USP26: variants seen among roughly 807,000 people sequenced by gnomAD.
USP26 encodes the protein ubiquitin carboxyl-terminal hydrolase 26.
For missense variants in USP26, 649 were observed against 642.3 expected (o/e 1.01, Z -0.11); for synonymous variants, 236 against 240.6 (o/e 0.98, Z 0.18).
intron 5 of USP26, among the ~76,000 whole-genome samples, chrX:133,073,200 C>T (rs2067535851): frequency 9.1e-6 from 1 of 110,103 alleles, no homozygotes; most frequent in Admixed American, 9.8e-5. Context: ...ACTCTCATTA[C>T]TCATTTCAAT....
intron 5 of USP26, among the ~76,000 whole-genome samples, chrX:133,046,395 A>G (rs1263078578): frequency 8.9e-6 from 1 of 112,238 alleles, no homozygotes; most frequent in African/African-American, 3.2e-5. Context: ...GCTTAAAAAT[A>G]CCAATTTGTC....
chrX:133,045,519 G>A (rs752095568), intron 5 of USP26, among the ~76,000 whole-genome samples: 1 of 111,635 alleles, frequency 9.0e-6, no homozygotes, highest in Non-Finnish European at 1.9e-5. Context: ...TCACTCTTTG[G>A]GTCCACACTG....
intron 5 of USP26, among the ~76,000 whole-genome samples, chrX:133,037,807 G>A (rs952597320): frequency 8.9e-6 from 1 of 111,799 alleles, no homozygotes; most frequent in African/African-American, 3.2e-5. Context: ...CCATGAACAT[G>A]GAATTTTTTT....
At chrX:133,053,799 A>G (rs2067467366) in intron 5 of USP26, among the ~76,000 whole-genome samples, 1 of 111,850 alleles carries the variant, frequency 8.9e-6, no homozygotes, top group African/African-American at 3.3e-5. Context: ...CCCTAGTTTC[A>G]CAACCAAGTT....
At chrX:133,096,523 C>T (rs2067631171) in intron 1 of USP26, among the ~76,000 whole-genome samples, 1 of 111,858 alleles carries the variant, frequency 8.9e-6, no homozygotes, top group African/African-American at 3.2e-5. Flanking sequence ...AACATCGCAG[C>T]AGCTAATGGC....
chrX:133,057,861 TATA>T (rs2067480767), intron 5 of USP26, among the ~76,000 whole-genome samples: 2 of 23,583 alleles, frequency 8.5e-5, no homozygotes, highest in Admixed American at 8.7e-4. Flanking sequence ...TATATATATA[TATA>T]TATTTTTTTT....
intron 5 of USP26, among the ~76,000 whole-genome samples, chrX:133,058,467 T>C (rs777769367): frequency 1.5e-4 from 17 of 112,036 alleles, no homozygotes; most frequent in Admixed American, 1.5e-3. Flanking sequence ...TATTGTTAGA[T>C]ACACACAGAT....
At chrX:133,060,989 T>C (rs904494096) in intron 5 of USP26, among the ~76,000 whole-genome samples, 1 of 111,793 alleles carries the variant, frequency 8.9e-6, no homozygotes, top group African/African-American at 3.2e-5. Context: ...AGGACATAGG[T>C]AGATTATATG....
At chrX:133,088,004 A>C (rs2067595249) in intron 4 of USP26, among the ~76,000 whole-genome samples, 1 of 111,526 alleles carries the variant, frequency 9.0e-6, no homozygotes, top group Non-Finnish European at 1.9e-5. Flanking sequence ...ATCCCATTTC[A>C]ACAAAAAAAG....
At chrX:133,048,553 T>C (rs1367710071) in intron 5 of USP26, among the ~76,000 whole-genome samples, 1 of 109,437 alleles carries the variant, frequency 9.1e-6, no homozygotes, top group Non-Finnish European at 1.9e-5. Context: ...GTTGCATTTT[T>C]TTTTTTTTTT....
intron 5 of USP26, chrX:133,045,850 A>G (rs1187923961): frequency 8.7e-6 from 1 of 114,628 alleles, no homozygotes; most frequent in Non-Finnish European, 1.8e-5. Context: ...TTCCGGACAC[A>G]ATAATAAAAA....
At chrX:133,072,502 G>A (rs1366913375) in intron 5 of USP26, among the ~76,000 whole-genome samples, 4 of 112,174 alleles carry the variant, frequency 3.6e-5, no homozygotes, top group African/African-American at 1.3e-4. Context: ...GTATGACAGA[G>A]CATTCTGTAA....
intron 5 of USP26, among the ~76,000 whole-genome samples, chrX:133,071,464 A>C (rs2067530277): frequency 9.1e-6 from 1 of 110,234 alleles, no homozygotes; most frequent in Admixed American, 9.7e-5. Flanking sequence ...CACAGGATAT[A>C]TCTCCTCCCA....
chrX:133,037,509 ACT>A (rs1295699080), intron 5 of USP26, among the ~76,000 whole-genome samples: 3 of 110,778 alleles, frequency 2.7e-5, no homozygotes, highest in African/African-American at 6.6e-5. Context: ...ATTTCTGAAG[ACT>A]CTGTTTTGTT....
intron 5 of USP26, among the ~76,000 whole-genome samples, chrX:133,059,516 G>A (rs1439159020): frequency 9.0e-6 from 1 of 111,151 alleles, no homozygotes; most frequent in African/African-American, 3.3e-5. Context: ...AATGCTAATT[G>A]TTATTGTTGT....
chrX:133,041,868 C>T (rs775847693), intron 5 of USP26, among the ~76,000 whole-genome samples: 1 of 112,306 alleles, frequency 8.9e-6, no homozygotes, highest in Non-Finnish European at 1.9e-5. Context: ...ATCTATAAGC[C>T]TCCGACTGGG....
intron 1 of USP26, among the ~76,000 whole-genome samples, chrX:133,092,806 A>C (rs1017754155): frequency 2.7e-5 from 3 of 112,023 alleles, no homozygotes; most frequent in East Asian, 5.6e-4. Flanking sequence ...ATATTAGCAA[A>C]GGCAGAGGTA....
chrX:133,094,332 TC>T (rs2067619968), intron 1 of USP26, among the ~76,000 whole-genome samples: 2 of 110,539 alleles, frequency 1.8e-5, no homozygotes, highest in Non-Finnish European at 3.8e-5. Context: ...TCCAGAAGGA[TC>T]TAGAAGGATC....
chrX:133,096,894 C>T (rs2067632943), intron 1 of USP26, 136 bp downstream of exon 1: 1 of 109,949 alleles, frequency 9.1e-6, no homozygotes, highest in East Asian at 2.8e-4. Flanking sequence ...GACTCCGTCT[C>T]AAAAAAAACA....
Sources: allele counts gnomAD v4.1 joint callset (sites outside exome capture counted in the v4.1 genomes callset), GRCh38; gene constraint gnomAD v4.1.1; transcripts MANE v1.5; gene names NCBI Gene and HGNC (gene_info 2026-07-23, HGNC 2026-07-21).